The following ZFHX3 variants were observed in gnomAD, a reference collection of about 807,000 sequenced individuals.
The protein encoded by ZFHX3 is zinc finger homeobox 3.
A neutral mutation model predicts 279.1 loss-of-function variants in ZFHX3; 42 were observed. That is an observed-to-expected ratio of 0.15 (90% CI 0.12 to 0.19). The LOEUF (loss-of-function observed/expected upper bound fraction) is 0.19. Among genes scored for constraint, ZFHX3 ranks in the 10% least tolerant of loss-of-function variants. The pLI is 1.00. For missense variants in ZFHX3, 4,981 were observed against 4,754.0 expected (o/e 1.05, Z -1.40); for synonymous variants, 2,293 against 1,957.8 (o/e 1.17, Z -4.52).
At chr16:73,482,991 T>C (rs1198860614) in intron 2 of ZFHX3, among the ~76,000 whole-genome samples, 1 of 152,248 alleles carries the variant, frequency 6.6e-6, no homozygotes, top group East Asian at 1.9e-4. Context: ...AACACATCGT[T>C]GCAAAAGAGA....
intron 2 of ZFHX3, among the ~76,000 whole-genome samples, chr16:73,558,934 T>C (rs1024158652): frequency 3.3e-5 from 5 of 151,748 alleles, no homozygotes; most frequent in African/African-American, 9.7e-5. Flanking sequence ...AGGCTGGTTT[T>C]GAACTCCTGA....
intron 2 of ZFHX3, among the ~76,000 whole-genome samples, chr16:73,629,107 T>C (rs2052444438): frequency 6.6e-6 from 1 of 152,196 alleles, no homozygotes; most frequent in Non-Finnish European, 1.5e-5. Context: ...TGATGGAAAC[T>C]ATAAATCTGT....
chr16:73,784,793 A>AT lies in ZFHX3; in HGVS notation c.-1607-104554_-1607-104553insA, dbSNP rs1166700645. 2.0e-3 allele frequency among the ~76,000 whole-genome samples: 233 copies of AT among 116,546 alleles called. 4 individuals carry two copies. The highest frequency in any genetic ancestry group is 9.2e-3 in the South Asian group (35 of 3,806). 76.5% of individuals were successfully genotyped at this position (116,546 alleles called of 152,430 possible). On this transcript the variant is annotated intron_variant, in intron 1 of 17. Transcript: ENST00000641206. The stretch of plus-strand genomic sequence containing the variant: ...AAACTATTTTTAACAAAATAAAAAA[A>AT]AAAATATATATATATATATATATAC...
intron 3 of ZFHX3, among the ~76,000 whole-genome samples, chr16:72,905,848 A>C (rs1229159510): frequency 6.6e-6 from 1 of 152,156 alleles, no homozygotes; most frequent in African/African-American, 2.4e-5. Context: ...CACACATCAC[A>C]CGTACAACTT....
chr16:73,708,181 C>A (rs1004995044), intron 1 of ZFHX3, among the ~76,000 whole-genome samples: 12 of 152,142 alleles, frequency 7.9e-5, no homozygotes, highest in African/African-American at 2.7e-4. Context: ...TGGCAAGACA[C>A]AGAAAGTAGA....
intron 4 of ZFHX3, among the ~76,000 whole-genome samples, chr16:72,859,955 A>T (rs2037843192): frequency 6.6e-6 from 1 of 152,156 alleles, no homozygotes; most frequent in Non-Finnish European, 1.5e-5. Flanking sequence ...ATAACAATGA[A>T]AACAAGGAGA....
intron 2 of ZFHX3, among the ~76,000 whole-genome samples, chr16:73,566,479 CTCCT>C (rs1371400575): frequency 2.6e-5 from 4 of 152,154 alleles, no homozygotes; most frequent in African/African-American, 9.7e-5. Context: ...CCATGCCACA[CTCCT>C]AGCTTCTGGT....
At chr16:73,286,107 G>A (rs552746784) in intron 4 of ZFHX3, among the ~76,000 whole-genome samples, 20 of 152,112 alleles carry the variant, frequency 1.3e-4, no homozygotes, top group African/African-American at 2.9e-4. Flanking sequence ...CTTTAGACGG[G>A]GCCAACCAAT....
chr16:73,488,777 G>A (rs1283300730), intron 2 of ZFHX3, among the ~76,000 whole-genome samples: 1 of 152,176 alleles, frequency 6.6e-6, no homozygotes. Context: ...TATTGAAGTT[G>A]AGGTCCAATA....
At chr16:73,862,504 G>A (rs537390040) in intron 1 of ZFHX3, among the ~76,000 whole-genome samples, 1 of 152,324 alleles carries the variant, frequency 6.6e-6, no homozygotes, top group East Asian at 1.9e-4. Context: ...GACGGTTGCT[G>A]TGACTCACGT....
At chr16:73,110,378 A>C (rs1034224620) in intron 7 of ZFHX3, among the ~76,000 whole-genome samples, 2 of 152,110 alleles carry the variant, frequency 1.3e-5, no homozygotes, top group Non-Finnish European at 2.9e-5. Flanking sequence ...GGATAATATA[A>C]TTTTGTTTGT....
intron 3 of ZFHX3, among the ~76,000 whole-genome samples, chr16:73,448,046 C>T (rs765264781): frequency 6.6e-6 from 1 of 152,104 alleles, no homozygotes; most frequent in Non-Finnish European, 1.5e-5. Context: ...GGACATTTGC[C>T]AAATCAGCAC....
intron 2 of ZFHX3, among the ~76,000 whole-genome samples, chr16:73,578,156 C>T (rs2143818274): frequency 6.6e-6 from 1 of 152,312 alleles, no homozygotes; most frequent in Middle Eastern, 3.4e-3. Flanking sequence ...TCAAGCCGGT[C>T]TACCTGGGGT....
chr16:73,619,500 T>TATATATATATA (rs34326004), intron 2 of ZFHX3, among the ~76,000 whole-genome samples: 23 of 131,738 alleles, frequency 1.7e-4, no homozygotes, highest in African/African-American at 6.9e-4. Flanking sequence ...AAAAAAAAAA[T>TATATATATATA]TATATATATA....
At chr16:73,343,123 GT>G (rs924828057) in intron 3 of ZFHX3, among the ~76,000 whole-genome samples, 5 of 152,044 alleles carry the variant, frequency 3.3e-5, no homozygotes, top group Non-Finnish European at 5.9e-5. Context: ...GTGAAGACAT[GT>G]TTTTTTCTTT....
At position 73,296,945 on chromosome 16, in the gene ZFHX3, C is replaced by A. The variant is rs187835418; in HGVS notation, c.-1194+21295G>T. Among the ~76,000 whole-genome samples the A allele has an allele frequency of 3.1e-4, 42 of 136,446 alleles. No homozygotes were observed. In the East Asian group the frequency reaches 4.6e-3, roughly 15 times the overall value. The allele number at this position is 136,446 out of a possible 152,430, so 89.5% of individuals were successfully genotyped here. On this transcript the variant is annotated intron_variant, in intron 4 of 17. Transcript: ENST00000641206. ...CCAGGCTGGAGTTCAGTGGCGCTATCTCGGCTCACTGCAACTCTGCCTCCC... is the reference window on the plus strand; with the variant it reads ...CCAGGCTGGAGTTCAGTGGCGCTATATCGGCTCACTGCAACTCTGCCTCCC...
chr16:73,380,073 A>G (rs2016793696), intron 3 of ZFHX3, among the ~76,000 whole-genome samples: 1 of 152,222 alleles, frequency 6.6e-6, no homozygotes, highest in African/African-American at 2.4e-5. Flanking sequence ...AAGAGAAAGC[A>G]AAAGTAGCAA....
At chr16:73,635,265 G>A (rs1338508237) in intron 2 of ZFHX3, among the ~76,000 whole-genome samples, 2 of 152,104 alleles carry the variant, frequency 1.3e-5, no homozygotes, top group Non-Finnish European at 2.9e-5. Flanking sequence ...GTGGGAATAG[G>A]CACACGTTGT....
chr16:73,841,191 G>T (rs565146470), intron 1 of ZFHX3, among the ~76,000 whole-genome samples: 1 of 152,330 alleles, frequency 6.6e-6, no homozygotes, highest in South Asian at 2.1e-4. Flanking sequence ...GGTGCCCATG[G>T]CAGAGTCAAA....
Sources: gnomAD v4.1 joint callset for allele counts (sites outside exome capture counted in the v4.1 genomes callset) on GRCh38, gnomAD v4.1.1 for gene constraint, MANE v1.5 for transcripts, NCBI Gene and HGNC (gene_info 2026-07-23, HGNC 2026-07-21) for gene names.